The following ADGRB3 variants were observed in gnomAD, a reference collection of about 807,000 sequenced individuals.
ADGRB3 encodes adhesion G protein-coupled receptor B3, also known as brain-specific angiogenesis inhibitor 3.
A neutral mutation model predicts 193.4 loss-of-function variants in ADGRB3; 37 were observed. That is an observed-to-expected ratio of 0.19 (90% CI 0.15 to 0.25). The LOEUF is 0.25. Among genes scored for constraint, ADGRB3 ranks in the 10% least tolerant of loss-of-function variants. ADGRB3 has a pLI of 1.00. For missense variants in ADGRB3, 1,637 were observed against 1,852.9 expected (o/e 0.88, Z 2.14); for synonymous variants, 690 against 644.2 (o/e 1.07, Z -1.08).
At chr6:68,957,899 TA>T (rs1768120824) in intron 8 of ADGRB3, among the ~76,000 whole-genome samples, 1 of 151,950 alleles carries the variant, frequency 6.6e-6, no homozygotes, top group Admixed American at 6.6e-5. Flanking sequence ...TGTGGGGGCT[TA>T]AAAAAGATCG....
At chr6:69,040,212 T>G (rs751190608) in intron 13 of ADGRB3, among the ~76,000 whole-genome samples, 12 of 152,132 alleles carry the variant, frequency 7.9e-5, no homozygotes, top group Admixed American at 2.6e-4. Flanking sequence ...GCTTTTGTGA[T>G]TCTTCTTCTT....
At chr6:69,116,935 T>C (rs314195) in intron 17 of ADGRB3, among the ~76,000 whole-genome samples, 145,559 of 152,276 alleles carry the variant, frequency 0.96, 69,924 homozygotes, top group East Asian at 1. Flanking sequence ...GGCCTCTGTG[T>C]GGCCAGCTTC....
At chr6:69,350,064 TC>T (rs1247086322) in intron 26 of ADGRB3, among the ~76,000 whole-genome samples, 15 of 152,152 alleles carry the variant, frequency 9.9e-5, no homozygotes, top group African/African-American at 2.6e-4. Flanking sequence ...ATAAAGTGAA[TC>T]CCTCTCCTGG....
chr6:69,311,937 G>A (rs1768204404), intron 20 of ADGRB3, among the ~76,000 whole-genome samples: 1 of 151,772 alleles, frequency 6.6e-6, no homozygotes. Context: ...TTAAGATACT[G>A]ATAACTACTG....
At chr6:69,222,145 G>T (rs964321982) in intron 17 of ADGRB3, among the ~76,000 whole-genome samples, 1 of 152,096 alleles carries the variant, frequency 6.6e-6, no homozygotes, top group African/African-American at 2.4e-5. Context: ...CAACATAAGA[G>T]GGATAATCCT....
At chr6:69,156,552 G>A (rs1774844686) in intron 17 of ADGRB3, among the ~76,000 whole-genome samples, 1 of 152,156 alleles carries the variant, frequency 6.6e-6, no homozygotes, top group Non-Finnish European at 1.5e-5. Flanking sequence ...ATCACATGGG[G>A]TCTTTAGGCC....
chr6:68,992,735 C>T (rs892096657), intron 10 of ADGRB3, among the ~76,000 whole-genome samples: 5 of 152,120 alleles, frequency 3.3e-5, no homozygotes, highest in Non-Finnish European at 7.4e-5. Context: ...GATTTCAACA[C>T]TTTCTGAAAT....
chr6:69,324,151 C>T (rs1165066011), intron 20 of ADGRB3, among the ~76,000 whole-genome samples: 1 of 152,052 alleles, frequency 6.6e-6, no homozygotes, highest in Non-Finnish European at 1.5e-5. Flanking sequence ...ATGATAAGCA[C>T]ATTCAAGGTG....
chr6:68,772,944 CA>C (rs1191863592), intron 3 of ADGRB3, among the ~76,000 whole-genome samples: 2 of 25,140 alleles, frequency 8.0e-5, no homozygotes, highest in Admixed American at 4.5e-4. Context: ...CATACACACA[CA>C]AAAATAAAAA....
intron 17 of ADGRB3, among the ~76,000 whole-genome samples, chr6:69,149,767 G>A (rs1446994933): frequency 6.6e-6 from 1 of 152,126 alleles, no homozygotes; most frequent in African/African-American, 2.4e-5. Context: ...CTGCATTAGA[G>A]GGCACCCCAC....
chr6:68,741,856 C>CT (rs1765989469), intron 3 of ADGRB3, among the ~76,000 whole-genome samples: 1 of 152,082 alleles, frequency 6.6e-6, no homozygotes, highest in African/African-American at 2.4e-5. Context: ...TTCAGCATTC[C>CT]TTTTTGCATT....
intron 4 of ADGRB3, among the ~76,000 whole-genome samples, chr6:68,934,160 A>G (rs1767423884): frequency 6.6e-6 from 1 of 152,180 alleles, no homozygotes; most frequent in African/African-American, 2.4e-5. Context: ...TAACAAGAAC[A>G]TTTTGATAGG....
intron 17 of ADGRB3, among the ~76,000 whole-genome samples, chr6:69,096,721 C>G (rs777265053): frequency 6.6e-6 from 1 of 152,074 alleles, no homozygotes; most frequent in Non-Finnish European, 1.5e-5. Context: ...TTTAAGTCAC[C>G]GGTATACCCT....
chr6:69,201,906 T>C (rs1397861731), intron 17 of ADGRB3, among the ~76,000 whole-genome samples: 5 of 152,132 alleles, frequency 3.3e-5, no homozygotes, highest in Non-Finnish European at 7.4e-5. Flanking sequence ...AAATGATACA[T>C]GTTAAGTTTT....
intron 3 of ADGRB3, among the ~76,000 whole-genome samples, chr6:68,751,761 CCT>C (rs1488672827): frequency 6.6e-6 from 1 of 152,078 alleles, no homozygotes; most frequent in Non-Finnish European, 1.5e-5. Flanking sequence ...CTAAAAAAAT[CCT>C]GTTTCATGTC....
chr6:69,347,177 G>T (rs776552685), intron 26 of ADGRB3, among the ~76,000 whole-genome samples: 3 of 152,118 alleles, frequency 2.0e-5, no homozygotes, highest in Admixed American at 1.3e-4. Context: ...TGGACACAGG[G>T]AGGGGAGCAT....
chr6:69,287,087 CATCTT>C (rs1767568133), intron 20 of ADGRB3, among the ~76,000 whole-genome samples: 1 of 152,170 alleles, frequency 6.6e-6, no homozygotes, highest in Non-Finnish European at 1.5e-5. Context: ...ATTGCACAAA[CATCTT>C]AAGTTGGTGT....
At chr6:69,333,931 A>AAAAAC (rs1387353758) in intron 24 of ADGRB3, among the ~76,000 whole-genome samples, 2 of 132,966 alleles carry the variant, frequency 1.5e-5, no homozygotes, top group Non-Finnish European at 3.2e-5. Context: ...CTCTGTCTCA[A>AAAAAC]AAAACAAAAT....
At chr6:68,866,476 G>A (rs1277318070) in intron 3 of ADGRB3, among the ~76,000 whole-genome samples, 1 of 152,176 alleles carries the variant, frequency 6.6e-6, no homozygotes, top group Non-Finnish European at 1.5e-5. Context: ...TTATAGCAGT[G>A]TGAAAATGGA....
Sources: gnomAD v4.1 joint callset for allele counts (sites outside exome capture counted in the v4.1 genomes callset) on GRCh38, gnomAD v4.1.1 for gene constraint, MANE v1.5 for transcripts, NCBI Gene and HGNC (gene_info 2026-07-23, HGNC 2026-07-21) for gene names.